Variants in PSMB3 observed in about 807,000 individuals in gnomAD.
PSMB3 encodes proteasome 20S subunit beta 3, also known as proteasome subunit beta type-3.
Under a neutral mutation model 23.3 loss-of-function variants are expected in PSMB3, and 5 were observed. That is an observed-to-expected ratio of 0.21 (90% CI 0.11 to 0.45). PSMB3 has a LOEUF of 0.45. Among genes scored for constraint, PSMB3 ranks in the 20% least tolerant of loss-of-function variants. The pLI is 0.99. For synonymous variants in PSMB3, 85 were observed against 99.8 expected, an observed-to-expected ratio of 0.85 and a Z score of 0.88; for missense variants, 192 against 277.9, an observed-to-expected ratio of 0.69 and a Z score of 2.20.
chr17:38,762,197 G>A (rs1387452211), intron 4 of PSMB3: 7 of 540,452 alleles, frequency 1.3e-5, no homozygotes, highest in African/African-American at 1.1e-4. Flanking sequence ...AGAAATTCAG[G>A]GCTTGAAGTC....
chr17:38,760,747 G>A (rs1598033950), intron 4 of PSMB3, 139 bp downstream of exon 4: 4 of 1,036,920 alleles, frequency 3.9e-6, no homozygotes, highest in Admixed American at 2.7e-5. Context: ...TCCTTGGAAG[G>A]GTATCCAGAA....
intron 2 of PSMB3, 148 bp downstream of exon 2, chr17:38,753,482 TC>T: frequency 3.8e-6 from 3 of 783,386 alleles, no homozygotes; most frequent in Non-Finnish European, 3.9e-6. Flanking sequence ...TCCTTCCCTT[TC>T]TTTTTTTTTT....
rs759446351 is a variant in PSMB3 at position 38,752,880 on chromosome 17, A to AG, written c.3+56dup. 2 of 1,610,314 alleles carry AG rather than the reference A, an allele frequency of 1.2e-6. No individual in the cohort carries two copies. The highest frequency in any genetic ancestry group is 2.2e-5 in the East Asian group (1 of 44,844). On this transcript the variant is annotated intron_variant, in intron 1 of 5. Transcript: ENST00000619426. This position sits in a 1 kb window ranked among gnomAD's most constrained non-coding sequence, Gnocchi z 5.5. ...GGCATGGGGAAGGATTGAGAAGCGG[A>AG]GGGGGTCAGGAGAGGCTTGGGGACG...
chr17:38,755,669 T>A (rs1321177488), intron 2 of PSMB3, among the ~76,000 whole-genome samples: 8,667 of 107,652 alleles, frequency 0.081, 490 homozygotes, highest in East Asian at 0.17. Flanking sequence ...AATATATATA[T>A]ATATATATAT....
At chr17:38,753,430 A>G in intron 2 of PSMB3, 96 bp downstream of exon 2, 1 of 1,266,172 alleles carries the variant, frequency 7.9e-7, no homozygotes, top group Non-Finnish European at 1.1e-6. Context: ...TCTACCACAC[A>G]CCACCAGTGA....
chr17:38,761,179 G>A (rs974774528), intron 4 of PSMB3, among the ~76,000 whole-genome samples: 6 of 151,768 alleles, frequency 4.0e-5, no homozygotes, highest in African/African-American at 7.3e-5. Flanking sequence ...GAGAAACCCC[G>A]TCTCTACTAA....
Position 38,752,791 on chromosome 17 carries a change from G to T in PSMB3, c.-36G>T. On this transcript the variant is annotated 5_prime_UTR_variant, in exon 1 of 6. Coordinates refer to ENST00000619426, the MANE Select transcript of PSMB3 (RefSeq NM_002795.4). The surrounding 1 kb of genome is among the most constrained non-coding windows in gnomAD (Gnocchi z 5.5). ...AGGCTAGACCCGGTTTACTGGAATT[G>T]CTCTGGCGATCGAGGGATCCTAGTA... 4.3e-6 allele frequency: 7 copies of T among 1,614,024 alleles called. No individual in the cohort carries two copies. Among genetic ancestry groups the T allele is most frequent in the Non-Finnish European group, 5.9e-6 (7 of 1,179,878 alleles).
chr17:38,753,112 G>C, intron 1 of PSMB3, 38 bp from the exon 2 acceptor site: 1 of 1,565,156 alleles, frequency 6.4e-7, no homozygotes, highest in Non-Finnish European at 8.7e-7. Flanking sequence ...GGCAGCGTTT[G>C]ACCCCCCGCG....
intron 2 of PSMB3, among the ~76,000 whole-genome samples, chr17:38,753,807 CAGACA>C (rs1908043143): frequency 6.6e-6 from 1 of 152,184 alleles, no homozygotes; most frequent in East Asian, 1.9e-4. Flanking sequence ...CAATTTTGAG[CAGACA>C]AGACAAGCCC....
In PSMB3 at chr17:38,755,670, A is replaced by ATGTG. The variant is rs1303372813; in HGVS notation, c.189-212_189-211insGTGT. Among the ~76,000 whole-genome samples the ATGTG allele has an allele frequency of 1.7e-3, 147 of 85,524 alleles. 3 individuals carry two copies. The highest frequency in any genetic ancestry group is 1.2e-3 in the Non-Finnish European group (46 of 39,746). 56.1% of individuals were successfully genotyped at this position (85,524 alleles called of 152,430 possible). A position where few individuals can be genotyped will look rare whatever the true frequency, so the allele number is the denominator to read the frequency against. On this transcript the variant is annotated intron_variant, in intron 2 of 5. Transcript: ENST00000619426. ...CTAAAAAAAAAAAAAATATATATAT[A>ATGTG]TATATATATATATGTGTGTGTGTGT...
intron 2 of PSMB3, among the ~76,000 whole-genome samples, chr17:38,755,657 A>AT (rs1306664588): frequency 8.0e-5 from 6 of 74,764 alleles, no homozygotes; most frequent in African/African-American, 2.3e-4. Context: ...AAAAAAAAAA[A>AT]AAATATATAT....
rs66894167 is a variant in PSMB3, at chr17:38,755,646, TAAAAA to T, written c.189-227_189-223del. 1.6e-3 allele frequency among the ~76,000 whole-genome samples: 105 copies of T among 66,444 alleles called. 1 individual carries two copies. The highest frequency in any genetic ancestry group is 5.7e-3 in the African/African-American group (100 of 17,604). The allele number at this position is 66,444 out of a possible 152,430, so 43.6% of individuals were successfully genotyped here. ...CCTGGGCGACGAGTGAGACTCCGTC[TAAAAA>T]AAAAAAAAATATATATATATATATA... is the stretch of plus-strand genomic sequence containing the variant. On this transcript the variant is annotated intron_variant, in intron 2 of 5. Coordinates refer to ENST00000619426, the MANE Select transcript of PSMB3 (RefSeq NM_002795.4).
At chr17:38,759,788 C>T (rs1908358766) in intron 3 of PSMB3, among the ~76,000 whole-genome samples, 1 of 152,058 alleles carries the variant, frequency 6.6e-6, no homozygotes, top group Non-Finnish European at 1.5e-5. Flanking sequence ...ACCTGGTGAT[C>T]CACCCACCTC....
chr17:38,756,211 T>A (rs1459747042), intron 3 of PSMB3, among the ~76,000 whole-genome samples: 1 of 152,222 alleles, frequency 6.6e-6, no homozygotes, highest in African/African-American at 2.4e-5. Context: ...CAGATAAATT[T>A]GCATCTAGGC....
rs1327176819 is a variant in PSMB3 at position 38,753,324 on chromosome 17, G to A, written c.178G>A (p.Val60Ile). Residue 60 changes from valine to isoleucine, a missense_variant, in exon 2 of 6, where the codon GTC (valine) becomes ATC (isoleucine). Transcript: ENST00000619426. The part of the protein sequence containing the change: ...YIGLAGLATD[V>I]QTVAQRLKFR... ...CGGTCTGGCCGGGCTCGCCACTGACGTCCAGACAGTGTAAGTTTCAAGGGT... is the reference window on the plus strand; with the variant it reads ...CGGTCTGGCCGGGCTCGCCACTGACATCCAGACAGTGTAAGTTTCAAGGGT... 1.2e-6 allele frequency: 2 copies of A among 1,613,736 alleles called. No homozygotes were observed. Among genetic ancestry groups the A allele is most frequent in the Admixed American group, 1.7e-5 (1 of 59,982 alleles).
intron 3 of PSMB3, 59 bp downstream of exon 3, chr17:38,756,049 G>A (rs1229534928): frequency 9.6e-6 from 13 of 1,347,770 alleles, no homozygotes; most frequent in Non-Finnish European, 1.4e-5. Flanking sequence ...GTAGTATGGA[G>A]TAGGTACTGA....
In PSMB3 at chr17:38,754,334, G is replaced by A. The variant is rs557381225; in HGVS notation, c.188+1000G>A. Among the ~76,000 whole-genome samples the A allele has an allele frequency of 1.1e-4, 17 of 152,236 alleles. No individual in the cohort carries two copies. In the South Asian group the frequency reaches 1.7e-3, roughly 15 times the overall value. On this transcript the variant is annotated intron_variant, in intron 2 of 5. Transcript: ENST00000619426. ...AAAATACAAAAATTAGCCAGGCTGG[G>A]TGGTGGGCACCTGTAATCCCAGCTA...
chr17:38,763,931 C>T (rs1416551906), intron 5 of PSMB3, among the ~76,000 whole-genome samples, 188 bp from the exon 6 acceptor site: 16 of 152,228 alleles, frequency 1.1e-4, no homozygotes, highest in Admixed American at 1.0e-3. Context: ...TTCCTCACCA[C>T]AGGCGGAGGA....
intron 2 of PSMB3, among the ~76,000 whole-genome samples, chr17:38,754,772 T>G (rs1908082275): frequency 6.6e-6 from 1 of 152,216 alleles, no homozygotes; most frequent in Non-Finnish European, 1.5e-5. Context: ...ACCTGGAAGA[T>G]GAAGCTCAAG....
Sources: allele counts gnomAD v4.1 joint callset (sites outside exome capture counted in the v4.1 genomes callset), GRCh38; gene constraint gnomAD v4.1.1; non-coding constraint Gnocchi (gnomAD v3.1); transcripts MANE v1.5; gene names NCBI Gene and HGNC (gene_info 2026-07-23, HGNC 2026-07-21).